The following METTL6 variants were observed in gnomAD, a reference collection of about 807,000 sequenced individuals.
The protein encoded by METTL6 is methyltransferase 6, tRNA N3-cytidine.
A neutral mutation model predicts 26.4 loss-of-function variants in METTL6; 22 were observed. The ratio of observed to expected loss-of-function variants is 0.83; its 90% CI spans 0.59 to 1.19. METTL6 has a LOEUF of 1.19. Ranked by LOEUF, METTL6 falls within the 50% of genes most tolerant of loss-of-function variation. The probability of loss-of-function intolerance (pLI) is 0.00; values close to 1 mark genes in which losing one functional copy is unlikely to be tolerated. For synonymous variants in METTL6, 109 were observed against 116.2 expected (o/e 0.94, Z 0.40); for missense variants, 304 against 324.8 (o/e 0.94, Z 0.49).
At chr3:15,403,010 T>C (rs899531122) in intron 6 of METTL6, among the ~76,000 whole-genome samples, 2 of 152,226 alleles carry the variant, frequency 1.3e-5, no homozygotes, top group Admixed American at 1.3e-4. Flanking sequence ...AGTTCAGGAA[T>C]GAACAAGGAT....
chr3:15,416,662 G>T (rs993380199), intron 3 of METTL6, among the ~76,000 whole-genome samples: 2 of 152,116 alleles, frequency 1.3e-5, no homozygotes, highest in East Asian at 3.8e-4. Context: ...TTCTTCTGGG[G>T]TATATTTTCT....
Position 15,411,062 on chromosome 3 carries a change from T to G in METTL6, c.*194A>C. 1 of 519,994 alleles carries G rather than the reference T, an allele frequency of 1.9e-6. No homozygotes were observed. The highest frequency in any genetic ancestry group is 2.0e-5 in the African/African-American group (1 of 51,090). The allele number at this position is 519,994 out of a possible 1,614,324, so 32.2% of individuals were successfully genotyped here. A position where few individuals can be genotyped will look rare whatever the true frequency, so the allele number is the denominator to read the frequency against. Reference sequence around the variant, plus strand: ...CACTCGCCACTATGCCCAGCTAATTTTTTTGTATTTTTAGTAGAGATGGGG... The same window carrying G: ...CACTCGCCACTATGCCCAGCTAATTGTTTTGTATTTTTAGTAGAGATGGGG... On this transcript the variant is annotated 3_prime_UTR_variant, in exon 6 of 6. Transcript: ENST00000383790.
At chr3:15,415,620 C>T (rs1365873189) in intron 4 of METTL6, 152 bp downstream of exon 4, 2 of 1,609,068 alleles carry the variant, frequency 1.2e-6, no homozygotes, top group African/African-American at 2.7e-5. Context: ...TGTTTTATGC[C>T]AGAGGACCCC....
exon 7 of METTL6, chr3:15,383,974 C>T (rs1166295535): frequency 2.3e-5 from 6 of 256,504 alleles, no homozygotes; most frequent in Non-Finnish European, 4.6e-5. Flanking sequence ...CCTGCAAGTC[C>T]ACACAGCCAG....
At chr3:15,396,078 C>A (rs1000794497) in intron 6 of METTL6, among the ~76,000 whole-genome samples, 1 of 152,184 alleles carries the variant, frequency 6.6e-6, no homozygotes, top group Admixed American at 6.5e-5. Context: ...TGGATAATAT[C>A]CTGCAGAGTG....
chr3:15,416,202 T>C (rs1468185329), intron 3 of METTL6, among the ~76,000 whole-genome samples: 1 of 152,192 alleles, frequency 6.6e-6, no homozygotes, highest in East Asian at 1.9e-4. Flanking sequence ...CTGAGCATTT[T>C]AGAAGCATAT....
downstream of METTL6, among the ~76,000 whole-genome samples, chr3:15,408,804 T>G (rs1287994730): frequency 6.6e-6 from 1 of 152,134 alleles, no homozygotes; most frequent in Non-Finnish European, 1.5e-5. Context: ...ACTTTCCTAC[T>G]TTAAATGGCC....
intron 3 of METTL6, among the ~76,000 whole-genome samples, chr3:15,419,100 G>A (rs2061553470): frequency 6.6e-6 from 1 of 151,908 alleles, no homozygotes; most frequent in South Asian, 2.1e-4. Context: ...CGAGGCTGCA[G>A]TGAGCTGCAA....
Position 15,385,351 on chromosome 3 carries a change from G to A in METTL6, c.*12-1164C>T, listed in dbSNP as rs575677896. 7.9e-4 allele frequency among the ~76,000 whole-genome samples: 120 copies of A among 152,152 alleles called. 1 individual carries two copies. The highest frequency in any genetic ancestry group is 3.7e-3 in the South Asian group (18 of 4,822). ...AGTGGCTCACACCTGTAATCTCAGC[G>A]CTTTGGGAGGCCGAGGTGGGCGGAT... On this transcript the variant is annotated intron_variant, in intron 6 of 6. Transcript: ENST00000443029.
chr3:15,413,860 T>G, intron 5 of METTL6, 161 bp downstream of exon 5: 1 of 1,514,358 alleles, frequency 6.6e-7, no homozygotes, highest in South Asian at 1.2e-5. Context: ...GCCAGGTCTG[T>G]GCCTTCCAGG....
intron 6 of METTL6, among the ~76,000 whole-genome samples, chr3:15,401,941 TTTTG>T (rs1287311426): frequency 6.6e-6 from 1 of 152,230 alleles, no homozygotes; most frequent in African/African-American, 2.4e-5. Context: ...CCAGCCATTC[TTTTG>T]TTTCTTTACT....
chr3:15,409,333 G>A (rs1575412893), downstream of METTL6, among the ~76,000 whole-genome samples: 2 of 152,260 alleles, frequency 1.3e-5, no homozygotes, highest in East Asian at 3.9e-4. Context: ...ACAGCTTTCT[G>A]CAGAAAGGCA....
chr3:15,382,585 G>T (rs997023861), exon 7 of METTL6: 1 of 151,544 alleles, frequency 6.6e-6, no homozygotes, highest in Non-Finnish European at 1.5e-5. Flanking sequence ...AGGATTGCTT[G>T]GGCCTGGGAG....
At chr3:15,392,082 C>A (rs1336275015) in intron 6 of METTL6, among the ~76,000 whole-genome samples, 3 of 152,074 alleles carry the variant, frequency 2.0e-5, no homozygotes, top group African/African-American at 7.3e-5. Flanking sequence ...ACACTGACTT[C>A]CACAATGGTT....
intron 6 of METTL6, among the ~76,000 whole-genome samples, chr3:15,389,153 G>A (rs1024452955): frequency 2.0e-5 from 3 of 151,010 alleles, no homozygotes; most frequent in Non-Finnish European, 4.4e-5. Context: ...ACCACACCTG[G>A]CCTTTTTTTT....
chr3:15,393,361 T>C (rs1165086449), intron 6 of METTL6, among the ~76,000 whole-genome samples: 1 of 152,232 alleles, frequency 6.6e-6, no homozygotes, highest in Non-Finnish European at 1.5e-5. Flanking sequence ...CCTGAGACTT[T>C]GCTGAAGTTG....
chr3:15,424,100 A>G (rs1476016028), intron 3 of METTL6, among the ~76,000 whole-genome samples: 2 of 152,144 alleles, frequency 1.3e-5, no homozygotes, highest in Non-Finnish European at 2.9e-5. Flanking sequence ...GAATCGCTTA[A>G]GCCCAGGAGG....
downstream of METTL6, among the ~76,000 whole-genome samples, chr3:15,408,193 C>T (rs1215958939): frequency 6.6e-6 from 1 of 152,052 alleles, no homozygotes; most frequent in Non-Finnish European, 1.5e-5. Context: ...AGAGGATATC[C>T]TTGTGGGGAC....
At chr3:15,397,391 C>A (rs535790640) in intron 6 of METTL6, among the ~76,000 whole-genome samples, 1 of 152,142 alleles carries the variant, frequency 6.6e-6, no homozygotes, top group African/African-American at 2.4e-5. Context: ...TCACCCCTTT[C>A]CTTGGCTAGG....
Sources: allele counts gnomAD v4.1 joint callset (sites outside exome capture counted in the v4.1 genomes callset), GRCh38; gene constraint gnomAD v4.1.1; transcripts MANE v1.5; gene names NCBI Gene and HGNC (gene_info 2026-07-23, HGNC 2026-07-21).